The following RBBP8 variants were observed in gnomAD, a reference collection of about 807,000 sequenced individuals.
RBBP8 encodes the protein RB binding protein 8, endonuclease.
A neutral mutation model predicts 108.3 loss-of-function variants in RBBP8; 88 were observed. That is an observed-to-expected ratio of 0.81 (90% CI 0.68 to 0.97). The LOEUF (loss-of-function observed/expected upper bound fraction) is 0.97. Among genes scored for constraint, RBBP8 ranks in the 50% least tolerant of loss-of-function variants. RBBP8 has a pLI of 0.00. For synonymous variants in RBBP8, 332 were observed against 348.2 expected, an observed-to-expected ratio of 0.95 and a Z score of 0.52; for missense variants, 1,023 against 1,049.0, an observed-to-expected ratio of 0.98 and a Z score of 0.34.
intron 4 of RBBP8, 26 bp downstream of exon 4, chr18:22,949,739 T>G: frequency 6.7e-7 from 1 of 1,483,008 alleles, no homozygotes; most frequent in East Asian, 2.3e-5. Flanking sequence ...AGGTCTTGAG[T>G]AAGAAGTGAT....
At chr18:22,998,200 A>G (rs2045892054) in intron 14 of RBBP8, among the ~76,000 whole-genome samples, 2 of 152,190 alleles carry the variant, frequency 1.3e-5, no homozygotes, top group Admixed American at 1.3e-4. Flanking sequence ...GTAAGTCTTG[A>G]GTCCTGTGTT....
Position 22,997,722 on chromosome 18 carries a change from GAAA to G in RBBP8, c.2135_2137del (p.Lys712del). On this transcript the variant is annotated inframe_deletion, in exon 14 of 19. Coordinates refer to ENST00000327155, the MANE Select transcript of RBBP8 (RefSeq NM_002894.3). ...AATGAAGAAGCAAGAGCAGAAGGGA[GAAA>G]AAAGTTCAAGTAAGATCTGTTTTTG... The G allele has an allele frequency of 6.3e-7, 1 of 1,591,454 alleles. No individual in the cohort carries two copies. Among genetic ancestry groups the G allele is most frequent in the Non-Finnish European group, 8.6e-7 (1 of 1,163,634 alleles).
chr18:23,013,063 T>G (rs978167406), intron 16 of RBBP8, among the ~76,000 whole-genome samples: 6 of 151,944 alleles, frequency 3.9e-5, no homozygotes, highest in African/African-American at 9.7e-5. Context: ...TTTAAGCCTA[T>G]TGATCAGAAA....
intron 3 of RBBP8, among the ~76,000 whole-genome samples, chr18:22,947,129 A>G (rs557113680): frequency 5.3e-4 from 81 of 152,200 alleles, no homozygotes; most frequent in African/African-American, 1.8e-3. Flanking sequence ...CTGCTGAGAA[A>G]TTTAGAAATT....
chr18:23,008,082 G>A (rs1399198518), intron 16 of RBBP8, among the ~76,000 whole-genome samples: 17 of 152,106 alleles, frequency 1.1e-4, no homozygotes, highest in Non-Finnish European at 1.5e-5. Flanking sequence ...AAAGTGCTGG[G>A]ATTACAGGCG....
intron 4 of RBBP8, among the ~76,000 whole-genome samples, chr18:22,964,400 C>A (rs1913392372): frequency 2.1e-5 from 3 of 146,036 alleles, no homozygotes; most frequent in African/African-American, 7.5e-5. Flanking sequence ...CTTTTCAGTC[C>A]TTTAAGTAGT....
rs2046048282 is a variant in RBBP8, at chr18:23,006,377, C to G, written c.2302C>G (p.Gln768Glu). 12 of 1,612,966 alleles carry G rather than the reference C, an allele frequency of 7.4e-6. No individual in the cohort carries two copies. Among genetic ancestry groups the G allele is most frequent in the Non-Finnish European group, 1.0e-5 (12 of 1,179,466 alleles). Residue 768 changes from glutamine to glutamate, a missense_variant, in exon 16 of 19, where the codon CAA becomes GAA. Gln to Glu is a conservative substitution (Grantham distance 29). Coordinates refer to ENST00000327155, the MANE Select transcript of RBBP8 (RefSeq NM_002894.3). Reference protein sequence around the residue: ...TKKLHTHGDKQDKVKQKAFVE... With the variant: ...TKKLHTHGDKEDKVKQKAFVE... ...TTTATTTATAGCTCATGGTGATAAA[C>G]AAGACAAAGTCAAGCAGAAAGCGTT... is the stretch of plus-strand genomic sequence containing the variant.
intron 4 of RBBP8, among the ~76,000 whole-genome samples, chr18:22,952,430 T>C (rs1374259209): frequency 1.3e-5 from 2 of 152,154 alleles, no homozygotes; most frequent in Admixed American, 6.5e-5. Context: ...AGAGAAACTA[T>C]TAAAATAGAA....
rs559264066 is a variant in RBBP8 at position 23,005,217 on chromosome 18, A to G, written c.2288-1146A>G. 3.3e-5 allele frequency among the ~76,000 whole-genome samples: 5 copies of G among 152,272 alleles called. No individual in the cohort carries two copies. In the East Asian group the frequency reaches 9.6e-4, roughly 29 times the overall value. ...TAGAAGGAATAAATTGTAGTGTTCA[A>G]TAGCACTATATGGTGACTATAATTA... is the stretch of plus-strand genomic sequence containing the variant. On this transcript the variant is annotated intron_variant, in intron 15 of 18. Transcript: ENST00000327155.
intron 6 of RBBP8, among the ~76,000 whole-genome samples, chr18:22,978,654 C>T (rs1186401755): frequency 6.6e-6 from 1 of 152,074 alleles, no homozygotes; most frequent in African/African-American, 2.4e-5. Context: ...TTAGTTAAAG[C>T]TAGGTCAGAT....
intron 9 of RBBP8, among the ~76,000 whole-genome samples, 189 bp from the exon 10 acceptor site, chr18:22,990,748 T>C (rs1915626104): frequency 1.3e-5 from 2 of 152,218 alleles, no homozygotes; most frequent in African/African-American, 4.8e-5. Flanking sequence ...CCAATCTGCT[T>C]TCTGTCCCTA....
At chr18:22,937,253 C>A in intron 2 of RBBP8, 1 of 393,702 alleles carries the variant, frequency 2.5e-6, no homozygotes, top group Middle Eastern at 8.2e-4. Context: ...TTGTTCCCCT[C>A]TTTGTGTCCA....
At chr18:22,949,776 CTT>C (rs888850950) in intron 4 of RBBP8, 63 bp downstream of exon 4, 3 of 1,230,016 alleles carry the variant, frequency 2.4e-6, no homozygotes, top group African/African-American at 1.5e-5. Flanking sequence ...AGTACATTGA[CTT>C]TCATTTGTAA....
intron 9 of RBBP8, among the ~76,000 whole-genome samples, chr18:22,989,750 A>G (rs1262561044): frequency 2.6e-5 from 4 of 152,094 alleles, no homozygotes; most frequent in Non-Finnish European, 4.4e-5. Context: ...ATGGAGCCCT[A>G]TAGCTTCAAA....
chr18:22,982,391 A>G lies in RBBP8; in HGVS notation c.602A>G (p.Asn201Ser). The stretch of plus-strand genomic sequence containing the variant: ...AAATTGGAGCACTCTGTGTGTGCAA[A>G]TGGTAAGAGTTGGAGTTGTATTTTA... ...HTKLEHSVCA[N>S]EMRKVSKSST... is the part of the protein sequence containing the mutation. Residue 201 changes from asparagine (N) to serine (S), a missense_variant and splice_region_variant, in exon 7 of 19, where the codon AAT becomes AGT. By Grantham distance (46) the Asn-to-Ser change is conservative. Transcript: ENST00000327155. The G allele has an allele frequency of 6.2e-7, 1 of 1,613,934 alleles. No homozygotes were observed. The highest frequency in any genetic ancestry group is 8.5e-7 in the Non-Finnish European group (1 of 1,179,944).
At chr18:23,013,995 T>G (rs2046214458) in intron 16 of RBBP8, among the ~76,000 whole-genome samples, 1 of 151,822 alleles carries the variant, frequency 6.6e-6, no homozygotes, top group Admixed American at 6.6e-5. Flanking sequence ...AGGAGATGAA[T>G]TTTTTATTTA....
intron 3 of RBBP8, among the ~76,000 whole-genome samples, chr18:22,927,650 T>C (rs1487666752): frequency 6.6e-6 from 1 of 152,276 alleles, no homozygotes; most frequent in Non-Finnish European, 1.5e-5. Flanking sequence ...ATTTTTATAT[T>C]GATTACATGT....
intron 15 of RBBP8, among the ~76,000 whole-genome samples, chr18:23,003,366 G>A (rs925420184): frequency 2.6e-5 from 4 of 152,128 alleles, no homozygotes; most frequent in African/African-American, 9.7e-5. Context: ...TTTAGGATTT[G>A]TTACATATTT....
intron 2 of RBBP8, 156 bp from the exon 3 acceptor site, chr18:22,946,288 C>T (rs1911552036): frequency 2.3e-6 from 2 of 884,534 alleles, no homozygotes; most frequent in Non-Finnish European, 3.3e-6. Flanking sequence ...TGCAGATATG[C>T]TTTTGTGACT....
Sources: gnomAD v4.1 joint callset for allele counts (sites outside exome capture counted in the v4.1 genomes callset) on GRCh38, gnomAD v4.1.1 for gene constraint, MANE v1.5 for transcripts, NCBI Gene and HGNC (gene_info 2026-07-23, HGNC 2026-07-21) for gene names.